The following RBMX variants were observed in gnomAD, a reference collection of about 807,000 sequenced individuals.
RBMX encodes RNA-binding motif protein, X chromosome.
Under a neutral mutation model 29.3 loss-of-function variants are expected in RBMX, and 1 was observed. That is an observed-to-expected ratio of 0.03 (90% CI 0.01 to 0.16). The LOEUF (loss-of-function observed/expected upper bound fraction) is 0.16, where lower values mean the gene tolerates loss of function less well. RBMX is among the 10% of genes least tolerant of loss of function. The pLI, the probability that RBMX is intolerant of heterozygous loss-of-function variation, is 1.00. For synonymous variants in RBMX, 102 were observed against 102.3 expected, an observed-to-expected ratio of 1.00 and a Z score of 0.02; for missense variants, 121 against 333.2, an observed-to-expected ratio of 0.36 and a Z score of 4.96.
chrX:136,871,669 T>A (rs1017510431), downstream of RBMX, among the ~76,000 whole-genome samples: 1 of 108,835 alleles, frequency 9.2e-6, no homozygotes, highest in African/African-American at 3.3e-5. Flanking sequence ...TTCCTCTTCT[T>A]GAGACAGGGT....
intron 1 of RBMX, among the ~76,000 whole-genome samples, 169 bp from the exon 2 acceptor site, chrX:136,879,622 A>C (rs766128412): frequency 8.9e-6 from 1 of 112,242 alleles, no homozygotes; most frequent in African/African-American, 3.2e-5. Flanking sequence ...ATTTGAACTA[A>C]GTAGTTTAGT....
chrX:136,871,423 A>C (rs910453104), downstream of RBMX, among the ~76,000 whole-genome samples: 25 of 95,239 alleles, frequency 2.6e-4, no homozygotes, highest in Admixed American at 2.8e-3. Context: ...CAGCCTGGGC[A>C]ACAGAGCAAG....
At chrX:136,872,225 C>T, downstream of RBMX, 1 of 995,014 alleles carries the variant, frequency 1.0e-6, no homozygotes, top group Non-Finnish European at 1.4e-6. Context: ...ATGGTAGTTA[C>T]ACAACATTTA....
intron 1 of RBMX, 117 bp downstream of exon 1, chrX:136,880,480 G>A (rs1240408803): frequency 1.8e-5 from 2 of 111,666 alleles, no homozygotes; most frequent in Non-Finnish European, 3.8e-5. Flanking sequence ...TAAATAGGTC[G>A]GAACCTTTGG....
In RBMX at chrX:136,877,894, G is replaced by C. The variant is rs146633743; in HGVS notation, c.388+21C>G. 2.6e-6 allele frequency: 3 copies of C among 1,154,850 alleles called. No homozygotes were observed. In the South Asian group the frequency reaches 6.3e-5, roughly 24 times the overall value. The stretch of plus-strand genomic sequence containing the variant: ...AGTCCCTAACTTATACACCAAACCC[G>C]AGGTCCACGCAAGTTATTACCCATG... On this transcript the variant is annotated intron_variant, in intron 4 of 8. Coordinates refer to ENST00000320676, the MANE Select transcript of RBMX (RefSeq NM_002139.4).
At position 136,876,651 on chromosome X, in the gene RBMX, G is replaced by A. The variant is rs752772422; in HGVS notation, c.393C>T (p.Asp131=). The A allele has an allele frequency of 2.0e-5, 23 of 1,167,534 alleles. No homozygotes were observed. The highest frequency in any genetic ancestry group is 5.8e-5 in the South Asian group (3 of 51,295). The stretch of plus-strand genomic sequence containing the variant: ...TGTTAAAATTCATGGAATATCCACC[G>A]TCATCTGCATCAAAAATAGAAAAGA... ...GPPSRGGHMD[D]GGYSMNFNMS... Residue 131 remains aspartate (D), a synonymous_variant, in exon 5 of 9, where the codon GAC becomes GAT. Coordinates refer to ENST00000320676, the MANE Select transcript of RBMX (RefSeq NM_002139.4).
At chrX:136,873,108 A>G (rs552684665), downstream of RBMX, 2 of 110,540 alleles carry the variant, frequency 1.8e-5, no homozygotes, top group Non-Finnish European at 3.8e-5. Context: ...ACGCTATTGA[A>G]TATTTCTTTT....
intron 4 of RBMX, among the ~76,000 whole-genome samples, chrX:136,877,335 C>T (rs993996198): frequency 4.8e-5 from 4 of 83,084 alleles, no homozygotes; most frequent in African/African-American, 1.7e-4. Flanking sequence ...TCTACCCCCC[C>T]CCCCCCAAAA....
intron 8 of RBMX, 154 bp downstream of exon 8, chrX:136,874,932 C>T: frequency 2.0e-6 from 2 of 1,021,027 alleles, no homozygotes; most frequent in Non-Finnish European, 2.5e-6. Flanking sequence ...AAAAAAGCCC[C>T]TCACAAAACT....
downstream of RBMX, chrX:136,872,921 A>C (rs762159605): frequency 9.0e-6 from 1 of 111,132 alleles, no homozygotes; most frequent in South Asian, 3.8e-4. Flanking sequence ...AATGTTAAAA[A>C]CATACGAAGC....
Position 136,873,489 on chromosome X carries a change from A to G in RBMX, c.*653T>C, listed in dbSNP as rs1198531732. Reference sequence around the variant, plus strand: ...GTTTTGGCCAAACTTTTTATTTAGTATTCTGTAGTTGTTTAACACACACTT... The same window carrying G: ...GTTTTGGCCAAACTTTTTATTTAGTGTTCTGTAGTTGTTTAACACACACTT... On this transcript the variant is annotated 3_prime_UTR_variant, in exon 9 of 9. Coordinates refer to ENST00000320676, the MANE Select transcript of RBMX (RefSeq NM_002139.4). 1 of 752,223 alleles carries G rather than the reference A, an allele frequency of 1.3e-6. No individual in the cohort carries two copies. Among genetic ancestry groups the G allele is most frequent in the Non-Finnish European group, 1.6e-6 (1 of 638,286 alleles). 62.0% of individuals were successfully genotyped at this position (752,223 alleles called of 1,213,427 possible).
chrX:136,879,436 T>C lies in RBMX; in HGVS notation c.-9A>G. On this transcript the variant is annotated 5_prime_UTR_variant, in exon 2 of 9. Coordinates refer to ENST00000320676, the MANE Select transcript of RBMX (RefSeq NM_002139.4). ...CGATCTGCTTCAACCATGTTTTTTTTTTTTTGGGCCGGTGAGTCTGTTGAA... is the reference window on the plus strand; with the variant it reads ...CGATCTGCTTCAACCATGTTTTTTTCTTTTTGGGCCGGTGAGTCTGTTGAA... 1.7e-6 allele frequency: 2 copies of C among 1,207,091 alleles called. No homozygotes were observed. Among genetic ancestry groups the C allele is most frequent in the Non-Finnish European group, 2.2e-6 (2 of 893,985 alleles).
chrX:136,874,127 A>T lies in RBMX; in HGVS notation c.*15T>A. The T allele has an allele frequency of 8.5e-7, 1 of 1,183,409 alleles. No individual in the cohort carries two copies. ...TTCTTTGAACTGGGATTTTGGTCCA[A>T]AGTTTTGTTTGTTTCTAGTATCTGC... On this transcript the variant is annotated 3_prime_UTR_variant, in exon 9 of 9. Transcript: ENST00000320676.
At chrX:136,871,811 GTTT>G (rs750533072), downstream of RBMX, among the ~76,000 whole-genome samples, 477 of 74,921 alleles carry the variant, frequency 6.4e-3, 2 homozygotes, top group Non-Finnish European at 0.01. Flanking sequence ...CACGCCCGGT[GTTT>G]TTTTTTTTTT....
chrX:136,879,244 CG>C (rs762904850), intron 2 of RBMX, 74 bp downstream of exon 2: 8 of 1,191,469 alleles, frequency 6.7e-6, no homozygotes, highest in Middle Eastern at 2.3e-4. Flanking sequence ...TCATGTCAGA[CG>C]ATCAATGCAA....
At chrX:136,878,623 T>TAATCCCAGC (rs1235686571) in intron 3 of RBMX, among the ~76,000 whole-genome samples, 93 of 46,640 alleles carry the variant, frequency 2.0e-3, no homozygotes, top group Non-Finnish European at 3.2e-3. Context: ...CGCATGCCTG[T>TAATCCCAGC]AATCCCAGCT....
downstream of RBMX, among the ~76,000 whole-genome samples, chrX:136,871,430 C>T (rs1292410994): frequency 1.3e-5 from 1 of 76,658 alleles, no homozygotes; most frequent in Non-Finnish European, 2.5e-5. Context: ...GGCAACAGAG[C>T]AAGACTCCGT....
In RBMX at chrX:136,874,189, G is replaced by T; in HGVS notation, c.1129C>A (p.Arg377Ser). ...SSRGAPRGGG[R>S]GGSRSDRGGG... ...CCTCTATCAGATCGGCTTCCTCCAC[G>T]GCCACCACCTCTTGGTGCTCCGCGG... The change falls in exon 9 of 9, where the codon CGT (arginine) becomes AGT (serine). Residue 377 changes from arginine (R) to serine (S), a missense_variant. Transcript: ENST00000320676. 1 of 1,212,052 alleles carries T rather than the reference G, an allele frequency of 8.3e-7. No homozygotes were observed. Among genetic ancestry groups the T allele is most frequent in the Non-Finnish European group, 1.1e-6 (1 of 895,148 alleles).
chrX:136,871,559 C>T (rs1213594680), downstream of RBMX, among the ~76,000 whole-genome samples: 1 of 111,603 alleles, frequency 9.0e-6, no homozygotes, highest in Non-Finnish European at 1.9e-5. Context: ...ATTAACTCCA[C>T]ATTTAGTCAA....
Sources: allele counts gnomAD v4.1 joint callset (sites outside exome capture counted in the v4.1 genomes callset), GRCh38; gene constraint gnomAD v4.1.1; transcripts MANE v1.5; gene names NCBI Gene and HGNC (gene_info 2026-07-23, HGNC 2026-07-21).